The following AQR variants were observed in gnomAD, a reference collection of about 807,000 sequenced individuals.
AQR encodes aquarius intron-binding spliceosomal factor.
A neutral mutation model predicts 180.5 loss-of-function variants in AQR; 61 were observed. The observed-to-expected ratio is 0.34, with a 90% confidence interval of 0.28 to 0.42. AQR has a LOEUF of 0.42. Ranked by LOEUF, AQR falls within the 10% of genes least tolerant of loss-of-function variation. The probability of loss-of-function intolerance (pLI) is 1.00; values close to 1 mark genes in which losing one functional copy is unlikely to be tolerated. For synonymous variants in AQR, 551 were observed against 588.8 expected (o/e 0.94, Z 0.93); for missense variants, 1,281 against 1,798.3 (o/e 0.71, Z 5.20).
chr15:34,939,723 AAC>A (rs1283794749), intron 8 of AQR, among the ~76,000 whole-genome samples: 3 of 152,210 alleles, frequency 2.0e-5, no homozygotes, highest in Non-Finnish European at 4.4e-5. Context: ...ATATATTATA[AAC>A]ACAATTAGTA....
At chr15:34,941,747 A>G (rs1894025882) in intron 7 of AQR, among the ~76,000 whole-genome samples, 1 of 152,214 alleles carries the variant, frequency 6.6e-6, no homozygotes, top group African/African-American at 2.4e-5. Flanking sequence ...AGTCTCATCT[A>G]TACTTTGCTA....
chr15:34,891,682 T>C (rs1202962533), intron 23 of AQR, among the ~76,000 whole-genome samples: 1 of 152,184 alleles, frequency 6.6e-6, no homozygotes, highest in African/African-American at 2.4e-5. Flanking sequence ...AACACATGAA[T>C]TATTCTGTTC....
At position 34,904,413 on chromosome 15, in the gene AQR, T is replaced by C. The variant is rs757899555; in HGVS notation, c.1924A>G (p.Ile642Val). 9 of 1,610,904 alleles carry C rather than the reference T, an allele frequency of 5.6e-6. No individual in the cohort carries two copies. The East Asian group carries it at 6.7e-5, about 12-fold the overall frequency. The part of the protein sequence containing the change: ...NQYQQDMTNT[I>V]QNGAEDVYET... The stretch of plus-strand genomic sequence containing the variant: ...TACACATCCTCTGCTCCATTTTGTA[T>C]AGTATTGGTCATATCTTGTTGATAC... The change falls in exon 19 of 35, where the codon ATA (isoleucine) becomes GTA (valine). Residue 642 changes from isoleucine (I) to valine (V), a missense_variant. This residue lies in a region of AQR where 200 missense variants were observed against 293.4 expected (regional missense o/e 0.68). Coordinates refer to ENST00000156471, the MANE Select transcript of AQR (RefSeq NM_014691.3).
At chr15:34,925,218 A>T (rs1050808372) in intron 13 of AQR, among the ~76,000 whole-genome samples, 3 of 152,218 alleles carry the variant, frequency 2.0e-5, no homozygotes, top group Non-Finnish European at 4.4e-5. Flanking sequence ...GAAAATAAGA[A>T]GGTTACAGAA....
At chr15:34,894,778 T>C (rs1034433904) in intron 22 of AQR, among the ~76,000 whole-genome samples, 2 of 152,074 alleles carry the variant, frequency 1.3e-5, no homozygotes, top group South Asian at 2.1e-4. Flanking sequence ...TGAAGTGACA[T>C]AATACTGATT....
intron 9 of AQR, among the ~76,000 whole-genome samples, chr15:34,937,913 T>A (rs997308742): frequency 1.3e-5 from 2 of 149,958 alleles, no homozygotes; most frequent in African/African-American, 2.4e-5. Flanking sequence ...TAAACAATTA[T>A]ATTTTAATTA....
chr15:34,955,216 TAA>T (rs1395409546), intron 3 of AQR, among the ~76,000 whole-genome samples: 2 of 152,204 alleles, frequency 1.3e-5, no homozygotes, highest in African/African-American at 4.8e-5. Flanking sequence ...GTTATTTTTT[TAA>T]GTTACCAATA....
intron 1 of AQR, among the ~76,000 whole-genome samples, chr15:34,967,658 T>C (rs2050317108): frequency 6.6e-6 from 1 of 152,018 alleles, no homozygotes; most frequent in Non-Finnish European, 1.5e-5. Context: ...GCATGGCACA[T>C]TCAAATAAAC....
At chr15:34,870,467 T>C (rs1892801001) in intron 31 of AQR, among the ~76,000 whole-genome samples, 1 of 152,142 alleles carries the variant, frequency 6.6e-6, no homozygotes, top group African/African-American at 2.4e-5. Flanking sequence ...AACATACTCC[T>C]TGTAACAGTA....
At chr15:34,947,333 A>G (rs1427562854) in intron 5 of AQR, among the ~76,000 whole-genome samples, 8 of 150,832 alleles carry the variant, frequency 5.3e-5, no homozygotes, top group Non-Finnish European at 8.9e-5. Flanking sequence ...AAGAGTCATC[A>G]CCACTCCCTA....
intron 14 of AQR, among the ~76,000 whole-genome samples, chr15:34,918,586 C>A (rs1174115744): frequency 2.6e-5 from 4 of 152,144 alleles, no homozygotes; most frequent in Non-Finnish European, 5.9e-5. Flanking sequence ...AGTTCAAATC[C>A]CAGCTCCTCT....
chr15:34,871,479 C>G (rs1892815505), intron 30 of AQR, among the ~76,000 whole-genome samples: 1 of 149,038 alleles, frequency 6.7e-6, no homozygotes, highest in Non-Finnish European at 1.5e-5. Context: ...TGCACTCCAG[C>G]CTGGTGACAA....
At chr15:34,926,227 C>CT (rs1415558297) in intron 13 of AQR, among the ~76,000 whole-genome samples, 1 of 151,134 alleles carries the variant, frequency 6.6e-6, no homozygotes, top group African/African-American at 2.4e-5. Context: ...TAATGGAACT[C>CT]TATGTAGTTA....
At chr15:34,910,472 C>T (rs1893484051) in intron 16 of AQR, among the ~76,000 whole-genome samples, 159 bp from the exon 17 acceptor site, 1 of 152,080 alleles carries the variant, frequency 6.6e-6, no homozygotes, top group Admixed American at 6.6e-5. Context: ...AAACCTTTAA[C>T]TCTCAAAGTA....
At chr15:34,931,183 A>G (rs534982750) in intron 11 of AQR, among the ~76,000 whole-genome samples, 1 of 151,960 alleles carries the variant, frequency 6.6e-6, no homozygotes, top group Non-Finnish European at 1.5e-5. Flanking sequence ...AAGCTAAGTT[A>G]TTCTTTTTTC....
chr15:34,910,432 T>A, intron 16 of AQR, 119 bp from the exon 17 acceptor site: 1 of 1,041,208 alleles, frequency 9.6e-7, no homozygotes, highest in Non-Finnish European at 1.4e-6. Flanking sequence ...CTAATATTAG[T>A]AACTCTTATT....
At chr15:34,892,677 T>G (rs1288415401) in intron 23 of AQR, among the ~76,000 whole-genome samples, 1 of 152,200 alleles carries the variant, frequency 6.6e-6, no homozygotes, top group Admixed American at 6.5e-5. Flanking sequence ...TGAAAACACA[T>G]TTAACACACC....
chr15:34,966,402 G>A (rs6495730), intron 1 of AQR, among the ~76,000 whole-genome samples: 100,913 of 152,080 alleles, frequency 0.66, 34,950 homozygotes, highest in South Asian at 0.78. Flanking sequence ...TTTCCTCTCT[G>A]CATTTCAAAG....
intron 33 of AQR, among the ~76,000 whole-genome samples, 171 bp downstream of exon 33, chr15:34,862,696 C>T (rs1268293620): frequency 1.3e-5 from 2 of 152,108 alleles, no homozygotes; most frequent in African/African-American, 2.4e-5. Flanking sequence ...CTGCGCCCTA[C>T]CGATATCATT....
Sources: allele counts gnomAD v4.1 joint callset (sites outside exome capture counted in the v4.1 genomes callset), GRCh38; gene constraint gnomAD v4.1.1; regional missense constraint gnomAD v4.1.1; transcripts MANE v1.5; gene names NCBI Gene and HGNC (gene_info 2026-07-23, HGNC 2026-07-21).